The following GIPC2 variants were observed in gnomAD, a reference collection of about 807,000 sequenced individuals.
GIPC2 encodes the protein PDZ domain-containing protein GIPC2.
In GIPC2, 30 loss-of-function variants were observed where a neutral mutation model predicts 30.6. That is an observed-to-expected ratio of 0.98 (90% confidence interval 0.73 to 1.33). GIPC2 has a LOEUF of 1.33. Ranked by LOEUF, GIPC2 falls within the 40% of genes most tolerant of loss-of-function variation. The probability of loss-of-function intolerance (pLI) is 0.00; values close to 1 mark genes in which losing one functional copy is unlikely to be tolerated. For missense variants in GIPC2, 414 were observed against 390.3 expected, an observed-to-expected ratio of 1.06 and a Z score of -0.51; for synonymous variants, 167 against 150.0, an observed-to-expected ratio of 1.11 and a Z score of -0.83.
In GIPC2 at chr1:78,136,528, A is replaced by G. The variant is rs549743230; in HGVS notation, c.*785A>G. 6.7e-6 allele frequency: 1 copy of G among 150,248 alleles called. No homozygotes were observed. The highest frequency in any genetic ancestry group is 2.1e-4 in the South Asian group (1 of 4,750). 9.3% of individuals were successfully genotyped at this position (150,248 alleles called of 1,614,324 possible). On this transcript the variant is annotated 3_prime_UTR_variant, in exon 6 of 6. Transcript: ENST00000370759. ...CATAGCCACTTTTATGTTACCTTTT[A>G]TAAGCACTCCAGGGAAGATTTTATA... is the stretch of plus-strand genomic sequence containing the variant.
At position 78,046,345 on chromosome 1, in the gene GIPC2, A is replaced by T; in HGVS notation, c.240+11A>T. ...ATCTCGCCGTCGGAGGTAAGGCGCC[A>T]GGTGCTCAGGCTCTCCCGCCTCTCC... On this transcript the variant is annotated intron_variant, in intron 1 of 5. Coordinates refer to ENST00000370759, the MANE Select transcript of GIPC2 (RefSeq NM_017655.6). 6.2e-7 allele frequency: 1 copy of T among 1,602,122 alleles called. No individual in the cohort carries two copies. The highest frequency in any genetic ancestry group is 1.1e-5 in the South Asian group (1 of 90,274).
chr1:78,054,045 C>A (rs1661244565), intron 1 of GIPC2, among the ~76,000 whole-genome samples: 1 of 152,194 alleles, frequency 6.6e-6, no homozygotes, highest in Non-Finnish European at 1.5e-5. Flanking sequence ...GTTCCAATCT[C>A]ACTTCTTAAT....
intron 1 of GIPC2, among the ~76,000 whole-genome samples, chr1:78,078,433 G>T (rs1661760239): frequency 6.6e-6 from 1 of 152,086 alleles, no homozygotes; most frequent in Admixed American, 6.5e-5. Context: ...ATTCCTACAG[G>T]TTTTCAACAC....
At chr1:78,073,986 T>C (rs949007096) in intron 1 of GIPC2, among the ~76,000 whole-genome samples, 2 of 152,208 alleles carry the variant, frequency 1.3e-5, no homozygotes, top group Non-Finnish European at 2.9e-5. Context: ...TTAATATAAA[T>C]GCACAGCAAG....
intron 2 of GIPC2, among the ~76,000 whole-genome samples, chr1:78,092,401 G>A (rs1662059155): frequency 1.3e-5 from 2 of 152,098 alleles, no homozygotes; most frequent in Non-Finnish European, 2.9e-5. Context: ...TCTACCTTTT[G>A]CACCATCAAG....
At position 78,050,929 on chromosome 1, in the gene GIPC2, C is replaced by T. The variant is rs571695265; in HGVS notation, c.240+4595C>T. Reference sequence around the variant, plus strand: ...GATTACAGGCGTGAGCCACCGTGTCCGGCCAATACATACCATCTTTTAAAA... The same window carrying T: ...GATTACAGGCGTGAGCCACCGTGTCTGGCCAATACATACCATCTTTTAAAA... On this transcript the variant is annotated intron_variant, in intron 1 of 5. Transcript: ENST00000370759. Among the ~76,000 whole-genome samples, 6 of 152,134 alleles carry T rather than the reference C, an allele frequency of 3.9e-5. No homozygotes were observed. The East Asian group carries it at 5.8e-4, about 15-fold the overall frequency.
intron 5 of GIPC2, among the ~76,000 whole-genome samples, chr1:78,130,648 T>C (rs959813547): frequency 6.6e-6 from 1 of 152,152 alleles, no homozygotes; most frequent in Non-Finnish European, 1.5e-5. Context: ...AAACTAGCAA[T>C]AATGATGACT....
chr1:78,050,005 T>G (rs1557524415), intron 1 of GIPC2, among the ~76,000 whole-genome samples: 1 of 148,792 alleles, frequency 6.7e-6, no homozygotes, highest in Non-Finnish European at 1.5e-5. Flanking sequence ...CAAGTGATCC[T>G]CCTGCCTCAG....
chr1:78,100,919 G>C (rs936829429), intron 3 of GIPC2, among the ~76,000 whole-genome samples: 5 of 65,344 alleles, frequency 7.7e-5, no homozygotes, highest in Non-Finnish European at 1.5e-4. Context: ...AACAGAGTGA[G>C]ACCCTGTCAA....
intron 3 of GIPC2, among the ~76,000 whole-genome samples, chr1:78,107,046 C>CCCTT (rs1186552048): frequency 3.7e-5 from 5 of 135,634 alleles, no homozygotes; most frequent in Admixed American, 7.4e-5. Flanking sequence ...TCCCTCCCTT[C>CCCTT]CCTTCCTTCC....
intron 4 of GIPC2, among the ~76,000 whole-genome samples, chr1:78,123,583 C>G (rs189078405): frequency 1.1e-3 from 170 of 152,136 alleles, no homozygotes; most frequent in African/African-American, 3.8e-3. Flanking sequence ...TGTTGAGCAG[C>G]TTGGATTTGA....
chr1:78,051,785 G>A (rs1384606454), intron 1 of GIPC2, among the ~76,000 whole-genome samples: 2 of 152,168 alleles, frequency 1.3e-5, no homozygotes, highest in African/African-American at 4.8e-5. Flanking sequence ...ATGAGCCACC[G>A]CACCTGGCGT....
intron 4 of GIPC2, among the ~76,000 whole-genome samples, chr1:78,125,116 G>A (rs1662759147): frequency 6.6e-6 from 1 of 152,248 alleles, no homozygotes; most frequent in South Asian, 2.1e-4. Context: ...CTACAGCCTC[G>A]TCATCCTGGG....
intron 1 of GIPC2, among the ~76,000 whole-genome samples, chr1:78,047,522 GA>G (rs1295766495): frequency 3.3e-5 from 5 of 151,264 alleles, no homozygotes; most frequent in African/African-American, 1.2e-4. Context: ...ATTTATATAG[GA>G]TTTTTTTTTT....
At chr1:78,085,581 T>G (rs1661913064) in intron 2 of GIPC2, among the ~76,000 whole-genome samples, 1 of 151,796 alleles carries the variant, frequency 6.6e-6, no homozygotes. Context: ...TGGTAGGTTA[T>G]TTATTACTGC....
chr1:78,045,549 A>C (rs1661051880), upstream of GIPC2: 1 of 985,290 alleles, frequency 1.0e-6, no homozygotes, highest in South Asian at 4.7e-5. Context: ...TTATGAATAC[A>C]ACGTAGCACC....
At chr1:78,064,257 C>T (rs1001871757) in intron 1 of GIPC2, among the ~76,000 whole-genome samples, 7 of 152,144 alleles carry the variant, frequency 4.6e-5, no homozygotes, top group Admixed American at 2.6e-4. Flanking sequence ...TTGATAGTTT[C>T]CCCCCATCCT....
intron 1 of GIPC2, 92 bp downstream of exon 1, chr1:78,046,426 T>C: frequency 8.1e-7 from 1 of 1,232,946 alleles, no homozygotes; most frequent in Non-Finnish European, 1.1e-6. Flanking sequence ...TTGAGCGGCG[T>C]TTCCCGGAGC....
intron 3 of GIPC2, chr1:78,112,605 C>T (rs1308806393): frequency 1.2e-5 from 6 of 512,896 alleles, no homozygotes; most frequent in Admixed American, 1.2e-4. Flanking sequence ...AATATACAGC[C>T]TCCCCACTGC....
Sources: gnomAD v4.1 joint callset for allele counts (sites outside exome capture counted in the v4.1 genomes callset) on GRCh38, gnomAD v4.1.1 for gene constraint, MANE v1.5 for transcripts, NCBI Gene and HGNC (gene_info 2026-07-23, HGNC 2026-07-21) for gene names.